Variants in HPSE2 observed in about 807,000 individuals in gnomAD.
The protein encoded by HPSE2 is heparanase 2 (inactive).
Under a neutral mutation model 60.5 loss-of-function variants are expected in HPSE2, and 38 were observed. The observed-to-expected ratio is 0.63, with a 90% CI of 0.48 to 0.82. The LOEUF (loss-of-function observed/expected upper bound fraction) is 0.82. Ranked by LOEUF, HPSE2 falls within the 40% of genes least tolerant of loss-of-function variation. The probability of loss-of-function intolerance (pLI) is 0.00; values close to 1 mark genes in which losing one functional copy is unlikely to be tolerated. For synonymous variants in HPSE2, 295 were observed against 293.2 expected, an observed-to-expected ratio of 1.01 and a Z score of -0.06; for missense variants, 713 against 740.4, an observed-to-expected ratio of 0.96 and a Z score of 0.43.
At chr10:99,066,621 A>C (rs1164387469) in intron 3 of HPSE2, among the ~76,000 whole-genome samples, 1 of 152,166 alleles carries the variant, frequency 6.6e-6, no homozygotes, top group East Asian at 1.9e-4. Flanking sequence ...AGATCTCGTC[A>C]GACTTATTCA....
At position 98,935,983 on chromosome 10, in the gene HPSE2, C is replaced by T. The variant is rs983482471; in HGVS notation, c.611-191927G>A. On this transcript the variant is annotated intron_variant, in intron 3 of 11. Coordinates refer to ENST00000370552, the MANE Select transcript of HPSE2 (RefSeq NM_021828.5). The stretch of plus-strand genomic sequence containing the variant: ...AGCCCCTGACTGGAGCTGGTGGACT[C>T]CTGCAGGGATGCCCTGCCCGGTGAG... Among the ~76,000 whole-genome samples the T allele has an allele frequency of 5.5e-5, 8 of 144,840 alleles. 1 individual carries two copies. Among genetic ancestry groups the T allele is most frequent in the Admixed American group, 5.5e-4 (8 of 14,626 alleles).
the HPSE2 span, among the ~76,000 whole-genome samples, chr10:99,305,961 A>ATACGCGCGTGTG: frequency 9.7e-6 from 1 of 103,062 alleles, no homozygotes; most frequent in African/African-American, 4.4e-5. Flanking sequence ...ACTCACACAC[A>ATACGCGCGTGTG]CGCGCGCGCG....
chr10:99,067,232 T>C (rs1292868596), intron 3 of HPSE2, among the ~76,000 whole-genome samples: 1 of 152,084 alleles, frequency 6.6e-6, no homozygotes, highest in Non-Finnish European at 1.5e-5. Flanking sequence ...TGGCGCTGAG[T>C]GTCTGTGGCT....
intron 9 of HPSE2, among the ~76,000 whole-genome samples, chr10:98,567,323 A>G (rs754071167): frequency 2.0e-5 from 3 of 152,096 alleles, no homozygotes; most frequent in Non-Finnish European, 4.4e-5. Flanking sequence ...TCTAATATTA[A>G]TCTTCTTTTT....
intron 2 of HPSE2, among the ~76,000 whole-genome samples, chr10:99,213,098 T>G (rs182795754): frequency 6.6e-6 from 1 of 152,028 alleles, no homozygotes; most frequent in African/African-American, 2.4e-5. Context: ...GGAAAGAGAA[T>G]TGGCACTGTA....
intron 9 of HPSE2, among the ~76,000 whole-genome samples, chr10:98,530,260 T>C (rs1046756026): frequency 6.6e-6 from 1 of 152,220 alleles, no homozygotes; most frequent in Non-Finnish European, 1.5e-5. Flanking sequence ...GTTCACCTTC[T>C]GTGTTCCATC....
At position 98,647,222 on chromosome 10, in the gene HPSE2, A is replaced by G. The variant is rs187206883; in HGVS notation, c.1005-5282T>C. Among the ~76,000 whole-genome samples, 552 of 152,216 alleles carry G rather than the reference A, an allele frequency of 3.6e-3. 1 individual carries two copies. Among genetic ancestry groups the G allele is most frequent in the Non-Finnish European group, 5.9e-3 (402 of 68,014 alleles). Reference sequence around the variant, plus strand: ...TCCCGTCCCACTGACCCCCTTCATCAGGCCCCTAGATTCAGTCTTCAGGAT... The same window carrying G: ...TCCCGTCCCACTGACCCCCTTCATCGGGCCCCTAGATTCAGTCTTCAGGAT... On this transcript the variant is annotated intron_variant, in intron 6 of 11. Coordinates refer to ENST00000370552, the MANE Select transcript of HPSE2 (RefSeq NM_021828.5).
intron 3 of HPSE2, among the ~76,000 whole-genome samples, chr10:99,020,875 C>T (rs1158773769): frequency 6.6e-6 from 1 of 152,102 alleles, no homozygotes; most frequent in African/African-American, 2.4e-5. Context: ...AATGGTGAGC[C>T]GGCCAACTTA....
chr10:99,081,623 GATAAT>G (rs1440321821), intron 3 of HPSE2, among the ~76,000 whole-genome samples: 2 of 112,214 alleles, frequency 1.8e-5, no homozygotes, highest in African/African-American at 5.7e-5. Flanking sequence ...ATGATGATGA[GATAAT>G]ATAATTTCTT....
chr10:98,467,281 T>C (rs1421655478), intron 11 of HPSE2, among the ~76,000 whole-genome samples: 3 of 152,192 alleles, frequency 2.0e-5, no homozygotes, highest in Non-Finnish European at 4.4e-5. Flanking sequence ...GTCACTCTTC[T>C]GTCCGCCCAC....
chr10:98,827,367 G>A (rs1278115995), intron 3 of HPSE2, among the ~76,000 whole-genome samples: 6 of 151,754 alleles, frequency 4.0e-5, no homozygotes, highest in South Asian at 4.2e-4. Flanking sequence ...CACCACGCCC[G>A]GCTAATTTTT....
intron 3 of HPSE2, among the ~76,000 whole-genome samples, chr10:99,002,708 T>A (rs1956803310): frequency 1.3e-5 from 2 of 152,124 alleles, no homozygotes; most frequent in Non-Finnish European, 2.9e-5. Context: ...TAGGTAAATA[T>A]CTATAAAATA....
chr10:98,644,419 G>A (rs1386983891), intron 6 of HPSE2, among the ~76,000 whole-genome samples: 1 of 152,214 alleles, frequency 6.6e-6, no homozygotes, highest in African/African-American at 2.4e-5. Flanking sequence ...AACTTGGAGT[G>A]AGGAAAGTGT....
chr10:98,854,783 C>T (rs1486269952), intron 3 of HPSE2, among the ~76,000 whole-genome samples: 3 of 152,162 alleles, frequency 2.0e-5, no homozygotes, highest in Admixed American at 6.5e-5. Context: ...AACCAAGTCT[C>T]TGTACTTGTA....
At chr10:98,960,726 A>ATTTTTTTTTTTTTTT (rs68091060) in intron 3 of HPSE2, among the ~76,000 whole-genome samples, 1 of 102,602 alleles carries the variant, frequency 9.7e-6, no homozygotes, top group African/African-American at 4.0e-5. Flanking sequence ...TTTTTGTTTT[A>ATTTTTTTTTTTTTTT]TTTTTTTTAT....
chr10:99,128,311 A>T (rs1006085912), intron 3 of HPSE2, among the ~76,000 whole-genome samples: 33 of 152,198 alleles, frequency 2.2e-4, no homozygotes, highest in African/African-American at 7.7e-4. Flanking sequence ...CATTTGACTC[A>T]ACAATCCCAT....
intron 5 of HPSE2, among the ~76,000 whole-genome samples, chr10:98,710,593 A>C (rs1303549038): frequency 6.6e-6 from 1 of 152,178 alleles, no homozygotes; most frequent in African/African-American, 2.4e-5. Flanking sequence ...AAAATAAGTT[A>C]ATTACCATTT....
intron 3 of HPSE2, among the ~76,000 whole-genome samples, chr10:98,829,870 T>A (rs1254877990): frequency 6.6e-6 from 1 of 152,156 alleles, no homozygotes; most frequent in African/African-American, 2.4e-5. Context: ...TTTTTAAAAT[T>A]TTATTTCTTC....
At chr10:98,647,594 C>G (rs1299861201) in intron 6 of HPSE2, among the ~76,000 whole-genome samples, 1 of 152,104 alleles carries the variant, frequency 6.6e-6, no homozygotes, top group Admixed American at 6.6e-5. Context: ...TTAGAAAAAC[C>G]CTGTTCACCT....
Sources: gnomAD v4.1 joint callset for allele counts (sites outside exome capture counted in the v4.1 genomes callset) on GRCh38, gnomAD v4.1.1 for gene constraint, MANE v1.5 for transcripts, NCBI Gene and HGNC (gene_info 2026-07-23, HGNC 2026-07-21) for gene names.